The following PPP1R9A variants were observed in gnomAD, a reference collection of about 807,000 sequenced individuals.
The protein encoded by PPP1R9A is neurabin-1.
A neutral mutation model predicts 141.9 loss-of-function variants in PPP1R9A; 59 were observed. The observed-to-expected ratio is 0.42, with a 90% CI of 0.34 to 0.52. The LOEUF is 0.52. Ranked by LOEUF, PPP1R9A falls within the 20% of genes least tolerant of loss-of-function variation. The pLI, the probability that PPP1R9A is intolerant of heterozygous loss-of-function variation, is 0.10. For missense variants in PPP1R9A, 1,444 were observed against 1,611.9 expected (o/e 0.90, Z 1.78); for synonymous variants, 500 against 569.7 (o/e 0.88, Z 1.74).
At chr7:95,009,142 G>A (rs1043385856) in intron 2 of PPP1R9A, among the ~76,000 whole-genome samples, 1 of 152,018 alleles carries the variant, frequency 6.6e-6, no homozygotes, top group Non-Finnish European at 1.5e-5. Flanking sequence ...CACACACCGG[G>A]GCCTGTCATG....
At chr7:95,203,606 A>G (rs1790059355) in intron 6 of PPP1R9A, 59 bp from the exon 7 acceptor site, 3 of 1,275,974 alleles carry the variant, frequency 2.4e-6, no homozygotes, top group Non-Finnish European at 3.3e-6. Flanking sequence ...ATCCTTTATC[A>G]GGCTGCTCTC....
At chr7:95,076,217 A>T (rs1429523103) in intron 2 of PPP1R9A, among the ~76,000 whole-genome samples, 1 of 152,166 alleles carries the variant, frequency 6.6e-6, no homozygotes, top group African/African-American at 2.4e-5. Flanking sequence ...TCCTAGTTTT[A>T]GACAGAATGT....
intron 2 of PPP1R9A, among the ~76,000 whole-genome samples, chr7:95,055,823 A>G (rs1203375429): frequency 1.3e-5 from 2 of 152,066 alleles, no homozygotes; most frequent in Non-Finnish European, 2.9e-5. Flanking sequence ...TGACCTCAAC[A>G]TACGTTAGGA....
Position 95,082,857 on chromosome 7 carries a change from G to A in PPP1R9A, c.1396-28402G>A, listed in dbSNP as rs1052085227. ...TGCAAGCTCCACCTCCTGGGTTCAC[G>A]CCATTCTCCTGCCTCAGCCTCCCAA... is the stretch of plus-strand genomic sequence containing the variant. On this transcript the variant is annotated intron_variant, in intron 2 of 19. Coordinates refer to ENST00000433360, the MANE Select transcript of PPP1R9A (RefSeq NM_001166160.2). Among the ~76,000 whole-genome samples the A allele has an allele frequency of 9.2e-5, 13 of 141,306 alleles. 1 individual carries two copies. The highest frequency in any genetic ancestry group is 3.0e-4 in the African/African-American group (11 of 36,910). 92.7% of individuals were successfully genotyped at this position (141,306 alleles called of 152,430 possible). A position where few individuals can be genotyped will look rare whatever the true frequency, so the allele number is the denominator to read the frequency against.
intron 2 of PPP1R9A, among the ~76,000 whole-genome samples, chr7:95,102,799 A>G (rs1818961550): frequency 6.6e-6 from 1 of 152,208 alleles, no homozygotes; most frequent in East Asian, 1.9e-4. Flanking sequence ...TACCTTGTCA[A>G]ATACCAAAAA....
intron 2 of PPP1R9A, among the ~76,000 whole-genome samples, chr7:95,079,633 C>T (rs1282340200): frequency 2.0e-5 from 3 of 151,814 alleles, no homozygotes; most frequent in African/African-American, 7.3e-5. Context: ...AGAGACACAA[C>T]CAAAAAAGAG....
chr7:95,243,497 C>A (rs183303001), intron 8 of PPP1R9A, among the ~76,000 whole-genome samples: 111 of 152,194 alleles, frequency 7.3e-4, no homozygotes, highest in Admixed American at 3.1e-3. Flanking sequence ...TCAGAATGCT[C>A]AGAGACTACC....
At chr7:95,139,762 T>C (rs930666052) in intron 4 of PPP1R9A, among the ~76,000 whole-genome samples, 5 of 149,686 alleles carry the variant, frequency 3.3e-5, no homozygotes, top group Non-Finnish European at 7.4e-5. Context: ...TTCCCTCATG[T>C]GGGAGCTGTA....
intron 6 of PPP1R9A, among the ~76,000 whole-genome samples, chr7:95,201,292 G>A (rs1002371475): frequency 1.3e-5 from 2 of 152,128 alleles, no homozygotes; most frequent in African/African-American, 4.8e-5. Flanking sequence ...GTTACTCCAA[G>A]TAACTCACTT....
intron 3 of PPP1R9A, among the ~76,000 whole-genome samples, chr7:95,113,727 T>C (rs1469738501): frequency 6.6e-6 from 1 of 152,184 alleles, no homozygotes. Context: ...CATCTGCTGC[T>C]ATCTAAGGAT....
At chr7:95,070,659 CTT>C (rs1367950487) in intron 2 of PPP1R9A, among the ~76,000 whole-genome samples, 3 of 132,064 alleles carry the variant, frequency 2.3e-5, no homozygotes, top group Non-Finnish European at 3.3e-5. Context: ...TGAAGTAAGA[CTT>C]TTGTCAGAAT....
chr7:95,098,671 G>A (rs1046780048), intron 2 of PPP1R9A, among the ~76,000 whole-genome samples: 3 of 152,072 alleles, frequency 2.0e-5, no homozygotes, highest in East Asian at 1.9e-4. Flanking sequence ...ACTTTAGCCC[G>A]CAGTTGTTTC....
At chr7:95,198,040 G>A (rs545143029) in intron 5 of PPP1R9A, among the ~76,000 whole-genome samples, 60 of 152,246 alleles carry the variant, frequency 3.9e-4, no homozygotes, top group African/African-American at 1.4e-3. Context: ...CTTCTATTTT[G>A]TATGGCATCA....
chr7:94,991,122 A>T (rs1394489539), intron 2 of PPP1R9A, among the ~76,000 whole-genome samples: 1 of 152,192 alleles, frequency 6.6e-6, no homozygotes, highest in Admixed American at 6.5e-5. Flanking sequence ...TGTTCTTCAT[A>T]GTGGCTGTAC....
intron 4 of PPP1R9A, among the ~76,000 whole-genome samples, chr7:95,154,443 T>C (rs1829253894): frequency 1.3e-5 from 2 of 152,156 alleles, no homozygotes; most frequent in African/African-American, 4.8e-5. Context: ...TAACACATAG[T>C]CTACAAAGAT....
chr7:95,229,782 C>G (rs1255004396), intron 8 of PPP1R9A, among the ~76,000 whole-genome samples: 1 of 152,046 alleles, frequency 6.6e-6, no homozygotes, highest in Non-Finnish European at 1.5e-5. Flanking sequence ...GTTCCTAGGG[C>G]AAATTTGCAT....
chr7:95,271,214 A>G (rs1016770663), intron 14 of PPP1R9A, among the ~76,000 whole-genome samples: 1 of 152,224 alleles, frequency 6.6e-6, no homozygotes, highest in African/African-American at 2.4e-5. Context: ...ATATAGCTTT[A>G]GAAGTTAAAC....
chr7:95,132,381 G>A (rs1340573677), intron 4 of PPP1R9A, among the ~76,000 whole-genome samples: 1 of 152,072 alleles, frequency 6.6e-6, no homozygotes, highest in Non-Finnish European at 1.5e-5. Context: ...GTTTCTTGAG[G>A]TTTTCATCAT....
At chr7:95,121,467 A>G (rs202096785) in intron 4 of PPP1R9A, among the ~76,000 whole-genome samples, 2,921 of 50,188 alleles carry the variant, frequency 0.058, 91 homozygotes, top group African/African-American at 0.14. Flanking sequence ...CTGTCTATCT[A>G]TCTATCTATC....
Sources: gnomAD v4.1 joint callset for allele counts (sites outside exome capture counted in the v4.1 genomes callset) on GRCh38, gnomAD v4.1.1 for gene constraint, MANE v1.5 for transcripts, NCBI Gene and HGNC (gene_info 2026-07-23, HGNC 2026-07-21) for gene names.